RBFOX2: variants seen among roughly 807,000 people sequenced by gnomAD.
The protein encoded by RBFOX2 is RNA binding protein fox-1 homolog 2.
In RBFOX2, 10 loss-of-function variants were observed where a neutral mutation model predicts 49.1. The ratio of observed to expected loss-of-function variants is 0.20; its 90% CI spans 0.13 to 0.35. The LOEUF (loss-of-function observed/expected upper bound fraction) is 0.35. Ranked by LOEUF, RBFOX2 falls within the 10% of genes least tolerant of loss-of-function variation. The pLI, the probability that RBFOX2 is intolerant of heterozygous loss-of-function variation, is 1.00. For synonymous variants in RBFOX2, 183 were observed against 187.4 expected (o/e 0.98, Z 0.19); for missense variants, 323 against 486.9 (o/e 0.66, Z 3.17).
chr22:35,811,791 C>G (rs1951918691), intron 1 of RBFOX2, among the ~76,000 whole-genome samples: 1 of 151,918 alleles, frequency 6.6e-6, no homozygotes, highest in South Asian at 2.1e-4. Flanking sequence ...CAAAGAGACC[C>G]TGTCTCTAGA....
At chr22:35,807,894 G>T (rs1951060748) in intron 2 of RBFOX2, among the ~76,000 whole-genome samples, 1 of 151,818 alleles carries the variant, frequency 6.6e-6, no homozygotes, top group Non-Finnish European at 1.5e-5. Flanking sequence ...AATATAAACA[G>T]GGATATCACC....
intron 1 of RBFOX2, among the ~76,000 whole-genome samples, chr22:35,972,628 C>G (rs534410839): frequency 1.3e-5 from 2 of 152,268 alleles, no homozygotes; most frequent in African/African-American, 4.8e-5. Context: ...TTCCTCAAAT[C>G]CCACACACCT....
chr22:36,016,752 A>G (rs961986361), intron 1 of RBFOX2, among the ~76,000 whole-genome samples: 1 of 152,336 alleles, frequency 6.6e-6, no homozygotes, highest in African/African-American at 2.4e-5. Context: ...TTCCATCACC[A>G]TCATTTGACA....
At chr22:35,975,018 C>A (rs953213733) in intron 1 of RBFOX2, among the ~76,000 whole-genome samples, 3 of 152,152 alleles carry the variant, frequency 2.0e-5, no homozygotes, top group Admixed American at 6.5e-5. Context: ...GAGGAGCAAC[C>A]TTTTCTGTTA....
intron 1 of RBFOX2, among the ~76,000 whole-genome samples, chr22:35,916,480 C>A (rs1383308748): frequency 6.6e-6 from 1 of 152,162 alleles, no homozygotes; most frequent in Non-Finnish European, 1.5e-5. Context: ...CAGGGTTTCG[C>A]CATGTTGTCC....
upstream of RBFOX2, among the ~76,000 whole-genome samples, chr22:35,941,922 T>C (rs183592874): frequency 3.8e-4 from 58 of 152,330 alleles, no homozygotes; most frequent in African/African-American, 1.3e-3. Flanking sequence ...TCCCTGTATA[T>C]ATCTGTCTCT....
Position 35,838,430 on chromosome 22 carries a change from G to C in RBFOX2, c.27+1762C>G, listed in dbSNP as rs546556349. On this transcript the variant is annotated intron_variant, in intron 1 of 11. Coordinates refer to ENST00000405409, the Ensembl canonical transcript of RBFOX2. ...TATGAGCAAGGTGGGTCTCAGAGGT[G>C]ATCGGCGATCAGAGGGCGATGAAGT... 3.9e-5 allele frequency among the ~76,000 whole-genome samples: 6 copies of C among 152,126 alleles called. No homozygotes were observed. The South Asian group carries it at 6.2e-4, about 16-fold the overall frequency.
intron 2 of RBFOX2, among the ~76,000 whole-genome samples, chr22:35,784,156 C>T (rs988308420): frequency 1.8e-4 from 27 of 152,164 alleles, no homozygotes; most frequent in African/African-American, 6.5e-4. Flanking sequence ...AAATCCAGGC[C>T]AATCAGCTAT....
intron 1 of RBFOX2, among the ~76,000 whole-genome samples, chr22:35,959,346 T>C (rs188859167): frequency 6.6e-6 from 1 of 152,292 alleles, no homozygotes; most frequent in Admixed American, 6.5e-5. Flanking sequence ...TACGCAGCAG[T>C]TTAGTCCAGA....
At chr22:35,744,284 G>A (rs372066413) in intron 11 of RBFOX2, 35 bp from the exon 14 acceptor site, 10 of 1,574,690 alleles carry the variant, frequency 6.4e-6, no homozygotes, top group Non-Finnish European at 8.7e-6. Flanking sequence ...TAATTAAAAG[G>A]TTGATGAGAG....
intron 1 of RBFOX2, among the ~76,000 whole-genome samples, chr22:35,873,833 C>T (rs1037890282): frequency 1.3e-5 from 2 of 152,090 alleles, no homozygotes; most frequent in Non-Finnish European, 2.9e-5. Context: ...GGTGTCACCA[C>T]GCCCAGCTAA....
intron 1 of RBFOX2, among the ~76,000 whole-genome samples, chr22:35,930,269 C>T (rs1423619085): frequency 6.6e-6 from 1 of 151,744 alleles, no homozygotes; most frequent in Non-Finnish European, 1.5e-5. Context: ...GATTCCCCCG[C>T]CGCAGTCTCC....
intron 1 of RBFOX2, among the ~76,000 whole-genome samples, chr22:35,937,165 T>TA (rs1470883224): frequency 6.6e-6 from 1 of 152,356 alleles, no homozygotes; most frequent in East Asian, 1.9e-4. Flanking sequence ...ATCTTACACT[T>TA]ACCCAATCAG....
At chr22:35,861,731 C>T (rs926461939) in intron 1 of RBFOX2, among the ~76,000 whole-genome samples, 1 of 152,122 alleles carries the variant, frequency 6.6e-6, no homozygotes, top group Admixed American at 6.5e-5. Flanking sequence ...TTAGCAAGTT[C>T]TTATAAATTC....
intron 4 of RBFOX2, among the ~76,000 whole-genome samples, chr22:35,774,773 C>T (rs1348085163): frequency 1.3e-5 from 2 of 152,004 alleles, no homozygotes; most frequent in Non-Finnish European, 1.5e-5. Flanking sequence ...AGTGGAACAC[C>T]GTTTACTTAT....
At chr22:35,771,428 T>A (rs1942647530) in intron 4 of RBFOX2, among the ~76,000 whole-genome samples, 1 of 152,166 alleles carries the variant, frequency 6.6e-6, no homozygotes, top group South Asian at 2.1e-4. Flanking sequence ...GATGATCCCT[T>A]AGAGCCTCCT....
chr22:35,826,342 C>CAAAAA (rs1160241662), intron 1 of RBFOX2, among the ~76,000 whole-genome samples: 6 of 62,196 alleles, frequency 9.6e-5, no homozygotes, highest in African/African-American at 1.6e-4. Context: ...AACTCCATCT[C>CAAAAA]AAAAAAAAAA....
At chr22:35,800,797 T>C (rs1949639855) in intron 2 of RBFOX2, among the ~76,000 whole-genome samples, 1 of 152,208 alleles carries the variant, frequency 6.6e-6, no homozygotes, top group South Asian at 2.1e-4. Flanking sequence ...ACTTTTTCTT[T>C]AAAAGTTTAA....
Position 35,911,973 on chromosome 22 carries a change from T to A in RBFOX2, c.-34+26874A>T, listed in dbSNP as rs568072626. 3.9e-5 allele frequency among the ~76,000 whole-genome samples: 6 copies of A among 152,312 alleles called. No homozygotes were observed. In the East Asian group the frequency reaches 1.2e-3, roughly 29 times the overall value. ...TTTTTTTTAATCTTAAATACATACT[T>A]CTTTTTTGTTAATTCCATGTTTGTA... On this transcript the variant is annotated intron_variant, in intron 1 of 13. Coordinates refer to the RBFOX2 transcript ENST00000359369.
Sources: allele counts gnomAD v4.1 joint callset (sites outside exome capture counted in the v4.1 genomes callset), GRCh38; gene constraint gnomAD v4.1.1; transcripts MANE v1.5; gene names NCBI Gene and HGNC (gene_info 2026-07-23, HGNC 2026-07-21).